The following FBXO38 variants were observed in gnomAD, a reference collection of about 807,000 sequenced individuals.
FBXO38 encodes the protein F-box only protein 38.
Under a neutral mutation model 131.9 loss-of-function variants are expected in FBXO38, and 53 were observed. The ratio of observed to expected loss-of-function variants is 0.40; its 90% CI spans 0.32 to 0.51. The LOEUF is 0.51. FBXO38 is among the 20% of genes least tolerant of loss of function. FBXO38 has a pLI of 0.53. For missense variants in FBXO38, 1,076 were observed against 1,475.6 expected (o/e 0.73, Z 4.44); for synonymous variants, 452 against 505.6 (o/e 0.89, Z 1.42).
At position 148,410,536 on chromosome 5, in the gene FBXO38, CA is replaced by C. The variant is rs1349599921; in HGVS notation, c.963-98del. The C allele has an allele frequency of 2.2e-6, 3 of 1,378,948 alleles. No homozygotes were observed. The African/African-American group carries it at 4.5e-5, about 20-fold the overall frequency. The allele number at this position is 1,378,948 out of a possible 1,614,324, so 85.4% of individuals were successfully genotyped here. ...TTCCCAGTCTCAGGTACGTCTTTGT[CA>C]GCAGCATAGAAACGGACTAATACAC... On this transcript the variant is annotated intron_variant, in intron 8 of 21. Transcript: ENST00000340253.
chr5:148,414,929 A>G (rs1166789520), intron 10 of FBXO38, among the ~76,000 whole-genome samples: 1 of 152,132 alleles, frequency 6.6e-6, no homozygotes, highest in African/African-American at 2.4e-5. Context: ...GAGCCTGAAA[A>G]AGTTGTACTT....
chr5:148,385,613 T>TG (rs941031502), intron 1 of FBXO38, among the ~76,000 whole-genome samples: 1 of 152,076 alleles, frequency 6.6e-6, no homozygotes, highest in Non-Finnish European at 1.5e-5. Context: ...ATCATCCTGT[T>TG]GGGGGGTTTT....
Position 148,438,456 on chromosome 5 carries a change from A to T in FBXO38, c.2982A>T (p.Pro994=), listed in dbSNP as rs772692366. Residue 994 remains proline, a synonymous_variant, in exon 18 of 22, where the codon CCA becomes CCT. Coordinates refer to ENST00000340253, the MANE Select transcript of FBXO38 (RefSeq NM_205836.3). ...TACTAGACCAGATACTAAGAATGCC[A>T]CCCGAGAGAAACCGCATCATATACC... is the stretch of plus-strand genomic sequence containing the variant. The part of the protein sequence containing the change: ...DQVLDQILRM[P]PERNRIIYLR... 3.1e-6 allele frequency: 5 copies of T among 1,614,032 alleles called. No individual in the cohort carries two copies. Among genetic ancestry groups the T allele is most frequent in the Non-Finnish European group, 4.2e-6 (5 of 1,179,886 alleles).
At chr5:148,417,484 G>T (rs972074515) in intron 12 of FBXO38, among the ~76,000 whole-genome samples, 3 of 152,158 alleles carry the variant, frequency 2.0e-5, no homozygotes, top group Admixed American at 2.0e-4. Context: ...TGAGGTCTGA[G>T]ACTTAACTTT....
Position 148,396,063 on chromosome 5 carries a change from A to AT in FBXO38, c.128+1168dup, listed in dbSNP as rs991605110. 1.4e-4 allele frequency among the ~76,000 whole-genome samples: 21 copies of AT among 151,310 alleles called. No individual in the cohort carries two copies. In the South Asian group the frequency reaches 2.5e-3, roughly 18 times the overall value. On this transcript the variant is annotated intron_variant, in intron 2 of 21. Transcript: ENST00000340253. ...TATTTTAGGAGATCCTAAGCACTGT[A>AT]TTTTTTTTTCTAATATAAATGTGTA...
At position 148,409,186 on chromosome 5, in the gene FBXO38, C is replaced by A. The variant is rs142117467; in HGVS notation, c.931C>A (p.Leu311Ile). Residue 311 changes from leucine to isoleucine, a missense_variant, in exon 8 of 22, where the codon CTT (leucine) becomes ATT (isoleucine). By Grantham distance (5) the Leu-to-Ile change is conservative. Transcript: ENST00000340253. ...TTGCAAAAATGCTCTTGAAGTAGATCTTGGTTACCTCATCATTACTGCTGC... is the reference window on the plus strand; with the variant it reads ...TTGCAAAAATGCTCTTGAAGTAGATATTGGTTACCTCATCATTACTGCTGC... The part of the protein sequence containing the change: ...GACKNALEVD[L>I]GYLIITAARR... 8.9e-4 allele frequency: 1,428 copies of A among 1,611,686 alleles called. 2 individuals are homozygous for A. Among genetic ancestry groups the A allele is most frequent in the Non-Finnish European group, 1.1e-3 (1,349 of 1,177,898 alleles).
chr5:148,428,223 C>T (rs913654775), intron 15 of FBXO38, among the ~76,000 whole-genome samples: 1 of 152,156 alleles, frequency 6.6e-6, no homozygotes, highest in Non-Finnish European at 1.5e-5. Context: ...CACTGACTGA[C>T]ACCTAAGCCC....
chr5:148,399,148 C>G lies in FBXO38; in HGVS notation c.262+16C>G. On this transcript the variant is annotated intron_variant, in intron 3 of 21. Transcript: ENST00000340253. ...ATGCCAAGTGGTAAGTGGATTTAGT[C>G]TGTGAAGTACAGTAGTGTCCTACTG... is the stretch of plus-strand genomic sequence containing the variant. 6.2e-7 allele frequency: 1 copy of G among 1,612,394 alleles called. No individual in the cohort carries two copies. The highest frequency in any genetic ancestry group is 2.2e-5 in the East Asian group (1 of 44,840).
intron 18 of FBXO38, among the ~76,000 whole-genome samples, chr5:148,438,839 A>G (rs954157530): frequency 1.3e-5 from 2 of 152,168 alleles, no homozygotes; most frequent in Non-Finnish European, 2.9e-5. Context: ...GATTATTGTG[A>G]TATTTAATAT....
intron 1 of FBXO38, among the ~76,000 whole-genome samples, chr5:148,392,591 G>GTGTGTGTT (rs1758257164): frequency 1.3e-5 from 2 of 150,724 alleles, no homozygotes; most frequent in Admixed American, 6.6e-5. Flanking sequence ...TTGTGTGTGT[G>GTGTGTGTT]TGTGTGTGTG....
chr5:148,394,966 G>T (rs971909391), intron 2 of FBXO38, 62 bp downstream of exon 2: 8 of 1,418,584 alleles, frequency 5.6e-6, no homozygotes, highest in Non-Finnish European at 7.5e-6. Flanking sequence ...CTGAGGCAGT[G>T]CTGTCTAATG....
intron 1 of FBXO38, among the ~76,000 whole-genome samples, chr5:148,389,552 G>C (rs540991124): frequency 6.6e-6 from 1 of 151,912 alleles, no homozygotes; most frequent in Non-Finnish European, 1.5e-5. Flanking sequence ...CTACTGCTTT[G>C]TACGTTCTCT....
At chr5:148,390,993 C>T (rs185648099) in intron 1 of FBXO38, among the ~76,000 whole-genome samples, 51 of 152,284 alleles carry the variant, frequency 3.3e-4, no homozygotes, top group Non-Finnish European at 5.7e-4. Flanking sequence ...TGAACATGTG[C>T]TAAAGTATAA....
chr5:148,416,816 C>T, intron 11 of FBXO38, 178 bp from the exon 12 acceptor site: 1 of 579,946 alleles, frequency 1.7e-6, no homozygotes, highest in South Asian at 2.2e-5. Context: ...AACCCTTTAT[C>T]TATCTTGAAG....
At chr5:148,430,548 C>T (rs1412696035) in intron 15 of FBXO38, 1 of 151,998 alleles carries the variant, frequency 6.6e-6, no homozygotes, top group Non-Finnish European at 1.5e-5. Flanking sequence ...TCAGGCTGGT[C>T]TCAAACTCCT....
chr5:148,401,148 A>G (rs975011305), intron 3 of FBXO38, among the ~76,000 whole-genome samples: 1 of 152,150 alleles, frequency 6.6e-6, no homozygotes. Context: ...CTTTGTCATT[A>G]ATAAGCAGAC....
At chr5:148,432,732 G>A (rs1299761159) in intron 15 of FBXO38, among the ~76,000 whole-genome samples, 2 of 152,182 alleles carry the variant, frequency 1.3e-5, no homozygotes, top group South Asian at 2.1e-4. Context: ...CTTTGCTAGT[G>A]ACTGACATTG....
At position 148,409,350 on chromosome 5, in the gene FBXO38, G is replaced by A. The variant is rs962110132; in HGVS notation, c.962+133G>A. ...CAAGCCTTGTTCAAATTTAAAATAC[G>A]AAGAAGTCCAAATAACAGATAAGTA... On this transcript the variant is annotated intron_variant, in intron 8 of 21. Coordinates refer to ENST00000340253, the MANE Select transcript of FBXO38 (RefSeq NM_205836.3). 28 of 654,752 alleles carry A rather than the reference G, an allele frequency of 4.3e-5. No homozygotes were observed. In the Middle Eastern group the frequency reaches 1.6e-3, roughly 36 times the overall value. 40.6% of individuals were successfully genotyped at this position (654,752 alleles called of 1,614,324 possible).
intron 2 of FBXO38, among the ~76,000 whole-genome samples, chr5:148,395,553 T>C (rs2113508883): frequency 6.6e-6 from 1 of 152,182 alleles, no homozygotes; most frequent in South Asian, 2.1e-4. Context: ...TTTATATAAT[T>C]CAAATAAGCA....
Sources: allele counts gnomAD v4.1 joint callset (sites outside exome capture counted in the v4.1 genomes callset), GRCh38; gene constraint gnomAD v4.1.1; transcripts MANE v1.5; gene names NCBI Gene and HGNC (gene_info 2026-07-23, HGNC 2026-07-21).